SMARCA1: variants seen among roughly 807,000 people sequenced by gnomAD.
SMARCA1 encodes the protein SNF2 related chromatin remodeling ATPase 1.
Under a neutral mutation model 93.6 loss-of-function variants are expected in SMARCA1, and 17 were observed. The observed-to-expected ratio is 0.18, with a 90% CI of 0.12 to 0.27. The LOEUF is 0.27. Among genes scored for constraint, SMARCA1 ranks in the 10% least tolerant of loss-of-function variants. The pLI, the probability that SMARCA1 is intolerant of heterozygous loss-of-function variation, is 1.00. For synonymous variants in SMARCA1, 271 were observed against 271.4 expected (o/e 1.00, Z 0.01); for missense variants, 630 against 819.0 (o/e 0.77, Z 2.82).
chrX:129,515,786 A>G lies in SMARCA1; in HGVS notation c.531T>C (p.Tyr177=), dbSNP rs889568189. The G allele has an allele frequency of 6.8e-6, 8 of 1,182,296 alleles. No homozygotes were observed. The highest frequency in any genetic ancestry group is 9.2e-6 in the Non-Finnish European group (8 of 870,114). The part of the protein sequence containing the change: ...VCIRFEVSPS[Y]VKGGPLRDYQ... ...AATCTCTCAGTGGCCCCCCTTTCACATCTGGTGAAAAAATGCAAGGACATT... is the reference window on the plus strand; with the variant it reads ...AATCTCTCAGTGGCCCCCCTTTCACGTCTGGTGAAAAAATGCAAGGACATT... The change falls in exon 5 of 25, where the codon TAT becomes TAC. Residue 177 remains tyrosine (Y), a splice_region_variant and synonymous_variant. Transcript: ENST00000371121.
At chrX:129,451,766 C>T (rs902294643) in intron 23 of SMARCA1, among the ~76,000 whole-genome samples, 4 of 103,460 alleles carry the variant, frequency 3.9e-5, no homozygotes, top group Admixed American at 1.1e-4. Context: ...TGCAGTGGCA[C>T]GATCTCGGCT....
At chrX:129,488,849 T>G in intron 16 of SMARCA1, 88 bp downstream of exon 16, 1 of 565,726 alleles carries the variant, frequency 1.8e-6, no homozygotes, top group Admixed American at 3.2e-5. Context: ...ATAATGCAGA[T>G]AAACATGTAC....
chrX:129,460,543 C>T (rs184575291), intron 23 of SMARCA1, among the ~76,000 whole-genome samples: 49 of 110,115 alleles, frequency 4.4e-4, no homozygotes, highest in Admixed American at 1.4e-3. Context: ...CCCTGCTACT[C>T]GGGAGGTTGA....
At chrX:129,500,123 T>TAAA (rs61313042) in intron 9 of SMARCA1, among the ~76,000 whole-genome samples, 3,543 of 87,397 alleles carry the variant, frequency 0.041, 100 homozygotes, top group African/African-American at 0.091. Flanking sequence ...AAAGAACCCT[T>TAAA]AAAAAAAAAA....
At chrX:129,504,200 C>T (rs1449689316) in intron 9 of SMARCA1, among the ~76,000 whole-genome samples, 1 of 111,706 alleles carries the variant, frequency 9.0e-6, no homozygotes, top group Non-Finnish European at 1.9e-5. Context: ...ATTGCTTGAG[C>T]TCGGGAGGCG....
intron 9 of SMARCA1, among the ~76,000 whole-genome samples, 152 bp downstream of exon 9, chrX:129,504,568 AAAAAAAAAAAAAAC>A (rs1569446161): frequency 1.0e-5 from 1 of 98,036 alleles, no homozygotes; most frequent in Middle Eastern, 4.9e-3. Context: ...AAAAAAAAAA[AAAAAAAAAAAAAAC>A]AAAGAGGCTG....
intron 1 of SMARCA1, among the ~76,000 whole-genome samples, chrX:129,522,818 G>T (rs980383996): frequency 7.2e-5 from 8 of 111,633 alleles, no homozygotes; most frequent in Admixed American, 5.6e-4. Context: ...GAGAGGGAGC[G>T]AGCGAGAGGA....
In SMARCA1 at chrX:129,504,134, C is replaced by T. The variant is rs1372718768; in HGVS notation, c.1167+600G>A. 1.1e-4 allele frequency among the ~76,000 whole-genome samples: 12 copies of T among 110,556 alleles called. No individual in the cohort carries two copies. In the South Asian group the frequency reaches 1.5e-3, roughly 14 times the overall value. On this transcript the variant is annotated intron_variant, in intron 9 of 24. Transcript: ENST00000371121. ...CTCTACTAAAAATACAAAAATTAGC[C>T]GGGCGTGGTGGCACACGCCTGTAAT...
intron 9 of SMARCA1, among the ~76,000 whole-genome samples, chrX:129,502,855 G>T (rs181097198): frequency 1.8e-5 from 2 of 111,505 alleles, no homozygotes; most frequent in Non-Finnish European, 3.8e-5. Flanking sequence ...AGAAAATATA[G>T]TCAATTAAAA....
Position 129,480,818 on chromosome X carries a change from T to A in SMARCA1, c.2329-4A>T. 2.8e-6 allele frequency: 3 copies of A among 1,084,103 alleles called. No individual in the cohort carries two copies. The highest frequency in any genetic ancestry group is 3.7e-6 in the Non-Finnish European group (3 of 802,262). 89.3% of individuals were successfully genotyped at this position (1,084,103 alleles called of 1,213,427 possible). A position where few individuals can be genotyped will look rare whatever the true frequency, so the allele number is the denominator to read the frequency against. ...GCTGTTTTGGAGGCCGTGGAGCCTA[T>A]GAGGGAGGAAAATGTATTATATATA... On this transcript the variant is annotated splice_polypyrimidine_tract_variant and splice_region_variant and intron_variant, in intron 18 of 24. Coordinates refer to ENST00000371121, the MANE Select transcript of SMARCA1 (RefSeq NM_001282874.2).
intron 1 of SMARCA1, among the ~76,000 whole-genome samples, chrX:129,519,601 C>T (rs973274138): frequency 1.8e-5 from 2 of 111,372 alleles, no homozygotes; most frequent in African/African-American, 6.5e-5. Flanking sequence ...TAGCACTGAT[C>T]AGATATCATT....
intron 9 of SMARCA1, among the ~76,000 whole-genome samples, 162 bp downstream of exon 9, chrX:129,504,572 A>C (rs897968669): frequency 1.1e-4 from 11 of 101,641 alleles, no homozygotes; most frequent in East Asian, 9.0e-4. Context: ...AAAAAAAAAA[A>C]AAAAAAAAAC....
At chrX:129,470,684 C>G (rs1165250816) in intron 20 of SMARCA1, among the ~76,000 whole-genome samples, 3 of 110,865 alleles carry the variant, frequency 2.7e-5, no homozygotes, top group Non-Finnish European at 5.7e-5. Context: ...GCCTGGCCAA[C>G]ATGGCAAAAC....
rs182183484 is a variant in SMARCA1, at chrX:129,491,096, G to T, written c.1815+845C>A. ...ACCATCGTAATGCAATAATAATTACGCCAAAGCATATTGATTTTGGAATGT... is the reference window on the plus strand; with the variant it reads ...ACCATCGTAATGCAATAATAATTACTCCAAAGCATATTGATTTTGGAATGT... On this transcript the variant is annotated intron_variant, in intron 14 of 24. Transcript: ENST00000371121. Among the ~76,000 whole-genome samples, 20 of 111,337 alleles carry T rather than the reference G, an allele frequency of 1.8e-4. No individual in the cohort carries two copies. The Admixed American group carries it at 1.8e-3, about 10-fold the overall frequency.
chrX:129,476,767 A>T (rs1321166585), intron 19 of SMARCA1, among the ~76,000 whole-genome samples: 1 of 111,997 alleles, frequency 8.9e-6, no homozygotes, highest in Non-Finnish European at 1.9e-5. Context: ...GCAAGGGGGA[A>T]ATAAAGCAAT....
chrX:129,494,046 AG>A (rs1172310793), intron 12 of SMARCA1, among the ~76,000 whole-genome samples: 1 of 112,384 alleles, frequency 8.9e-6, no homozygotes, highest in Non-Finnish European at 1.9e-5. Context: ...CCAAGAAGAA[AG>A]GAACAGCTCT....
At chrX:129,514,106 T>A (rs1406757395) in intron 5 of SMARCA1, among the ~76,000 whole-genome samples, 2 of 112,373 alleles carry the variant, frequency 1.8e-5, no homozygotes, top group Non-Finnish European at 3.8e-5. Flanking sequence ...GGCGGGAGGA[T>A]CACGAGGTCA....
intron 6 of SMARCA1, among the ~76,000 whole-genome samples, chrX:129,510,004 C>T (rs908692379): frequency 4.6e-4 from 52 of 112,387 alleles, no homozygotes; most frequent in African/African-American, 1.5e-3. Context: ...CTATGTTCTA[C>T]CAAGATTCAA....
chrX:129,506,650 A>T (rs1035280608), intron 7 of SMARCA1, among the ~76,000 whole-genome samples: 9 of 96,299 alleles, frequency 9.3e-5, no homozygotes, highest in Non-Finnish European at 1.4e-4. Flanking sequence ...AGATCACACC[A>T]CTGCACTCCA....
Sources: allele counts gnomAD v4.1 joint callset (sites outside exome capture counted in the v4.1 genomes callset), GRCh38; gene constraint gnomAD v4.1.1; transcripts MANE v1.5; gene names NCBI Gene and HGNC (gene_info 2026-07-23, HGNC 2026-07-21).